The following GUSB variants were observed in gnomAD, a reference collection of about 807,000 sequenced individuals.
The protein encoded by GUSB is beta-glucuronidase.
A neutral mutation model predicts 74.6 loss-of-function variants in GUSB; 51 were observed. The ratio of observed to expected loss-of-function variants is 0.68; its 90% CI spans 0.55 to 0.86. GUSB has a LOEUF of 0.86. GUSB is among the 40% of genes least tolerant of loss of function. The probability of loss-of-function intolerance (pLI) is 0.00; values close to 1 mark genes in which losing one functional copy is unlikely to be tolerated. For synonymous variants in GUSB, 360 were observed against 348.3 expected (o/e 1.03, Z -0.37); for missense variants, 736 against 853.7 (o/e 0.86, Z 1.72).
chr7:65,978,050 T>C (rs1487669462), intron 4 of GUSB, among the ~76,000 whole-genome samples: 1 of 151,602 alleles, frequency 6.6e-6, no homozygotes, highest in Non-Finnish European at 1.5e-5. Flanking sequence ...GACCTCGTGA[T>C]CCCCCCACCT....
At chr7:65,980,759 G>A in intron 1 of GUSB, 1 of 385,984 alleles carries the variant, frequency 2.6e-6, no homozygotes, top group Non-Finnish European at 5.0e-6. Context: ...GGAATGGGGG[G>A]AGCTTTGCTT....
chr7:65,978,994 T>G (rs1791791722), intron 4 of GUSB, among the ~76,000 whole-genome samples: 1 of 152,120 alleles, frequency 6.6e-6, no homozygotes, highest in African/African-American at 2.4e-5. Flanking sequence ...CTTGAACTAC[T>G]GGCCTCAAGT....
Position 65,967,903 on chromosome 7 carries a change from G to A in GUSB, c.1481C>T (p.Pro494Leu), listed in dbSNP as rs747719992. ...NSNYAADKGA[P>L]YVDVICLNSY... ...GTTCAAACAGATCACATCCACATACGGAGCCTAGGACCAGAGCAGCAGAGC... is the reference window on the plus strand; with the variant it reads ...GTTCAAACAGATCACATCCACATACAGAGCCTAGGACCAGAGCAGCAGAGC... The change falls in exon 10 of 12, where the codon CCG becomes CTG. Residue 494 changes from proline (P) to leucine (L), a missense_variant. Physicochemically the swap from Pro to Leu is moderately conservative, Grantham distance 98. Transcript: ENST00000304895. 16 of 1,599,786 alleles carry A rather than the reference G, an allele frequency of 1.0e-5. No individual in the cohort carries two copies. Among genetic ancestry groups the A allele is most frequent in the East Asian group, 6.7e-5 (3 of 44,880 alleles).
At chr7:65,973,221 G>GT (rs1393497693) in intron 8 of GUSB, among the ~76,000 whole-genome samples, 1 of 152,160 alleles carries the variant, frequency 6.6e-6, no homozygotes, top group Admixed American at 6.6e-5. Context: ...GGAGGCCGAG[G>GT]TAAGTGGATC....
Position 65,979,416 on chromosome 7 carries a change from C to G in GUSB, c.707G>C (p.Ser236Thr), listed in dbSNP as rs753959306. 2 of 1,613,854 alleles carry G rather than the reference C, an allele frequency of 1.2e-6. No homozygotes were observed. Among genetic ancestry groups the G allele is most frequent in the South Asian group, 2.2e-5 (2 of 91,066 alleles). The change falls in exon 4 of 12, where the codon AGC becomes ACC. Residue 236 changes from serine (S) to threonine (T), a missense_variant. Physicochemically the swap from Ser to Thr is moderately conservative, Grantham distance 58. Around this residue, in one of 2 missense-constraint regions of GUSB, gnomAD observed 368 missense variants for 363.8 expected, o/e 1.01. Transcript: ENST00000304895. ...GCCCTCACCACTGTCTTGCTCCACG[C>G]TGGTGGTGACGGTGATGTCATCGAT... ...TYIDDITVTT[S>T]VEQDSGLVNY...
chr7:65,979,917 G>A lies in GUSB; in HGVS notation c.397-6C>T, dbSNP rs1160516676. On this transcript the variant is annotated splice_region_variant and splice_polypyrimidine_tract_variant and intron_variant, in intron 2 of 11. Coordinates refer to ENST00000304895, the MANE Select transcript of GUSB (RefSeq NM_000181.4). ...GTGTCGACCCCATTCACCCACTGCA[G>A]ACACAGGAGATACGGGGAGGGGGCT... 4 of 1,585,992 alleles carry A rather than the reference G, an allele frequency of 2.5e-6. No individual in the cohort carries two copies. The highest frequency in any genetic ancestry group is 3.4e-6 in the Non-Finnish European group (4 of 1,168,768).
At chr7:65,977,672 T>C (rs187193222) in intron 4 of GUSB, among the ~76,000 whole-genome samples, 18 of 148,636 alleles carry the variant, frequency 1.2e-4, no homozygotes, top group African/African-American at 4.2e-4. Flanking sequence ...TGACAGGCAT[T>C]AGCCACCACA....
chr7:65,981,850 C>A, intron 1 of GUSB, 124 bp downstream of exon 1: 1 of 877,048 alleles, frequency 1.1e-6, no homozygotes. Flanking sequence ...AGCCCGTTGA[C>A]CTTTAACCTC....
At chr7:65,961,757 A>G (rs1332067310) in intron 11 of GUSB, among the ~76,000 whole-genome samples, 2 of 152,178 alleles carry the variant, frequency 1.3e-5, no homozygotes, top group Non-Finnish European at 2.9e-5. Flanking sequence ...TAATCCCAGC[A>G]CTCTGGGAGG....
chr7:65,979,990 A>G, intron 2 of GUSB, 79 bp from the exon 3 acceptor site: 3 of 1,222,716 alleles, frequency 2.5e-6, no homozygotes, highest in Non-Finnish European at 3.5e-6. Flanking sequence ...ACTCCCTCAC[A>G]TAACCTGCAG....
rs543956990 is a variant in GUSB, at chr7:65,975,691, A to T, written c.912+324T>A. On this transcript the variant is annotated intron_variant, in intron 5 of 11. Coordinates refer to ENST00000304895, the MANE Select transcript of GUSB (RefSeq NM_000181.4). ...TGAGTCACTCTGCCCAGGCTACAAAATTTTTTTTATTTAGCCAGACATGGT... is the reference window on the plus strand; with the variant it reads ...TGAGTCACTCTGCCCAGGCTACAAATTTTTTTTTATTTAGCCAGACATGGT... 2.0e-5 allele frequency: 5 copies of T among 247,336 alleles called. No individual in the cohort carries two copies. The South Asian group carries it at 3.1e-4, about 15-fold the overall frequency. 15.3% of individuals were successfully genotyped at this position (247,336 alleles called of 1,614,324 possible).
chr7:65,965,284 C>A (rs1232724725), intron 10 of GUSB, among the ~76,000 whole-genome samples: 10 of 151,558 alleles, frequency 6.6e-5, no homozygotes, highest in Non-Finnish European at 1.3e-4. Flanking sequence ...CGCACGCCTG[C>A]AGTTCAAGCT....
At chr7:65,967,211 C>T (rs922724397) in intron 10 of GUSB, among the ~76,000 whole-genome samples, 2 of 152,160 alleles carry the variant, frequency 1.3e-5, no homozygotes, top group South Asian at 2.1e-4. Context: ...GTAATCCCAG[C>T]ACTTTGGGAG....
rs1791828087 is a variant in GUSB at position 65,979,419 on chromosome 7, G to A, written c.704C>T (p.Thr235Ile). ...TTYIDDITVT[T>I]SVEQDSGLVN... ...CTCACCACTGTCTTGCTCCACGCTGGTGGTGACGGTGATGTCATCGATGTA... is the reference window on the plus strand; with the variant it reads ...CTCACCACTGTCTTGCTCCACGCTGATGGTGACGGTGATGTCATCGATGTA... Residue 235 changes from threonine (T) to isoleucine (I), a missense_variant, in exon 4 of 12, where the codon ACC becomes ATC. By Grantham distance (89) the Thr-to-Ile change is moderately conservative (BLOSUM62 -1). Transcript: ENST00000304895. 1 of 1,613,704 alleles carries A rather than the reference G, an allele frequency of 6.2e-7. No individual in the cohort carries two copies. Among genetic ancestry groups the A allele is most frequent in the Admixed American group, 1.7e-5 (1 of 59,992 alleles).
intron 10 of GUSB, among the ~76,000 whole-genome samples, chr7:65,966,819 T>C (rs1272691681): frequency 6.6e-6 from 1 of 152,028 alleles, no homozygotes; most frequent in African/African-American, 2.4e-5. Flanking sequence ...CAGTGGATCA[T>C]GCCTGTAATT....
At chr7:65,970,797 A>G (rs916033457) in intron 8 of GUSB, among the ~76,000 whole-genome samples, 1 of 151,964 alleles carries the variant, frequency 6.6e-6, no homozygotes, top group African/African-American at 2.4e-5. Context: ...GCTGAGGCAG[A>G]AGAATGGCGT....
chr7:65,981,367 G>A (rs1019239644), intron 1 of GUSB, among the ~76,000 whole-genome samples: 3 of 151,858 alleles, frequency 2.0e-5, no homozygotes, highest in African/African-American at 4.8e-5. Context: ...AAGTAGCTGG[G>A]ATTACAGGCA....
At chr7:65,975,526 A>C in intron 5 of GUSB, 1 of 252,538 alleles carries the variant, frequency 4.0e-6, no homozygotes, top group South Asian at 4.6e-5. Context: ...CTGGAATTAC[A>C]GGTGTTCGCC....
At position 65,972,725 on chromosome 7, in the gene GUSB, C is replaced by T. The variant is rs189504371; in HGVS notation, c.1391+1570G>A. 4.6e-5 allele frequency among the ~76,000 whole-genome samples: 7 copies of T among 152,222 alleles called. No individual in the cohort carries two copies. In the East Asian group the frequency reaches 1.4e-3, roughly 29 times the overall value. On this transcript the variant is annotated intron_variant, in intron 8 of 11. Transcript: ENST00000304895. ...TCCTGCCCCAGAAAACAGGCATCTCCTCTGGCCACCTCCCAAAGAAGCCTC... is the reference window on the plus strand; with the variant it reads ...TCCTGCCCCAGAAAACAGGCATCTCTTCTGGCCACCTCCCAAAGAAGCCTC...
Sources: allele counts gnomAD v4.1 joint callset (sites outside exome capture counted in the v4.1 genomes callset), GRCh38; gene constraint gnomAD v4.1.1; regional missense constraint gnomAD v4.1.1; transcripts MANE v1.5; gene names NCBI Gene and HGNC (gene_info 2026-07-23, HGNC 2026-07-21).